The following COL4A1 variants were observed in gnomAD, a reference collection of about 807,000 sequenced individuals.
COL4A1 encodes collagen type IV alpha 1 chain.
A neutral mutation model predicts 216.6 loss-of-function variants in COL4A1; 40 were observed. The observed-to-expected ratio is 0.18, with a 90% CI of 0.14 to 0.24. The LOEUF is 0.24. COL4A1 is among the 10% of genes least tolerant of loss of function. The probability of loss-of-function intolerance (pLI) is 1.00; values close to 1 mark genes in which losing one functional copy is unlikely to be tolerated. For synonymous variants in COL4A1, 839 were observed against 810.7 expected (o/e 1.03, Z -0.59); for missense variants, 1,628 against 2,196.8 (o/e 0.74, Z 5.18).
At chr13:110,267,475 G>C (rs746891624) in intron 1 of COL4A1, among the ~76,000 whole-genome samples, 15 of 152,112 alleles carry the variant, frequency 9.9e-5, no homozygotes, top group Non-Finnish European at 2.1e-4. Flanking sequence ...AGAAGGGCTT[G>C]AGGAATCTTT....
chr13:110,178,893 AAC>A lies in COL4A1; in HGVS notation c.2458+28_2458+29del, dbSNP rs749382032. The stretch of plus-strand genomic sequence containing the variant: ...TGCTTCAGAAAAGCATGCTTTTGGG[AAC>A]AGATAATTCTAGAAGCATGTCACTC... On this transcript the variant is annotated intron_variant, in intron 31 of 51. Transcript: ENST00000375820. 18 of 1,555,480 alleles carry A rather than the reference AAC, an allele frequency of 1.2e-5. 1 individual carries two copies. The East Asian group carries it at 4.1e-4, about 35-fold the overall frequency.
At position 110,289,663 on chromosome 13, in the gene COL4A1, C is replaced by T. The variant is rs183587616; in HGVS notation, c.84+17281G>A. Among the ~76,000 whole-genome samples, 6 of 152,306 alleles carry T rather than the reference C, an allele frequency of 3.9e-5. No individual in the cohort carries two copies. The East Asian group carries it at 7.7e-4, about 20-fold the overall frequency. ...ATGTTAGACGTTACACTGCAAATTACGCTATCTGTATTTTGGGTTAAAGTC... is the reference window on the plus strand; with the variant it reads ...ATGTTAGACGTTACACTGCAAATTATGCTATCTGTATTTTGGGTTAAAGTC... On this transcript the variant is annotated intron_variant, in intron 1 of 51. Transcript: ENST00000375820.
At chr13:110,154,306 G>A (rs938370272) in intron 50 of COL4A1, among the ~76,000 whole-genome samples, 2 of 152,226 alleles carry the variant, frequency 1.3e-5, no homozygotes, top group Non-Finnish European at 2.9e-5. Context: ...AAGCTACAAT[G>A]AGTGTATCAA....
intron 2 of COL4A1, among the ~76,000 whole-genome samples, chr13:110,219,670 A>ATATATGTGTG (rs1465986096): frequency 1.0e-3 from 74 of 72,606 alleles, no homozygotes; most frequent in South Asian, 6.1e-3. Flanking sequence ...ATGTATATAT[A>ATATATGTGTG]TATATATGTG....
chr13:110,179,136 C>T (rs773622497), intron 30 of COL4A1, 100 bp from the exon 31 acceptor site: 110 of 1,537,284 alleles, frequency 7.2e-5, no homozygotes, highest in Admixed American at 1.3e-4. Context: ...CGGAAAGCCA[C>T]GAGCTCTAGG....
chr13:110,152,463 G>A lies in COL4A1; in HGVS notation c.4799C>T (p.Ser1600Phe), dbSNP rs765084929. 6.2e-7 allele frequency: 1 copy of A among 1,613,958 alleles called. No individual in the cohort carries two copies. Among genetic ancestry groups the A allele is most frequent in the East Asian group, 2.2e-5 (1 of 44,884 alleles). ...GAEGSGQALASPGSCLEEFRS... is the reference protein window; with the variant it reads ...GAEGSGQALAFPGSCLEEFRS... ...AAACTCCTCCAGGCAGGAGCCGGGG[G>A]ACGCCAGGGCTTGGCCAGAGCCTTC... The change falls in exon 51 of 52, where the codon TCC becomes TTC. Residue 1600 changes from serine (S) to phenylalanine (F), a missense_variant. Physicochemically the swap from Ser to Phe is radical, Grantham distance 155. Transcript: ENST00000375820.
At chr13:110,174,251 TC>T (rs1389613721) in intron 39 of COL4A1, among the ~76,000 whole-genome samples, 194 bp downstream of exon 39, 3 of 152,134 alleles carry the variant, frequency 2.0e-5, no homozygotes, top group Non-Finnish European at 4.4e-5. Flanking sequence ...GAGATTTAGG[TC>T]CTAGATCCTG....
chr13:110,245,350 T>C (rs1399078519), intron 1 of COL4A1, among the ~76,000 whole-genome samples: 11 of 152,216 alleles, frequency 7.2e-5, no homozygotes, highest in Non-Finnish European at 1.6e-4. Context: ...CTCTGTTCTT[T>C]AAACTCTGCA....
intron 2 of COL4A1, among the ~76,000 whole-genome samples, chr13:110,215,992 C>T (rs527843265): frequency 2.0e-5 from 3 of 152,208 alleles, no homozygotes; most frequent in Admixed American, 6.5e-5. Flanking sequence ...AGTCTAGACA[C>T]AGTATGTGGA....
intron 2 of COL4A1, among the ~76,000 whole-genome samples, chr13:110,239,907 A>C (rs1045691514): frequency 6.6e-6 from 1 of 152,236 alleles, no homozygotes; most frequent in Non-Finnish European, 1.5e-5. Flanking sequence ...CAGGACTTCC[A>C]AGACAATAAG....
At chr13:110,183,344 C>G (rs771187401) in intron 26 of COL4A1, 68 bp from the exon 27 acceptor site, 7 of 1,473,152 alleles carry the variant, frequency 4.8e-6, no homozygotes, top group Non-Finnish European at 5.6e-6. Flanking sequence ...AGGGAGGACA[C>G]GCAGTGGGTG....
chr13:110,183,326 C>T lies in COL4A1; in HGVS notation c.1898-50G>A, dbSNP rs143366073. ...AAACGATGAAGGAATGAGGACCACA[C>T]GGAACACAGGGAGGACACGCAGTGG... On this transcript the variant is annotated intron_variant, in intron 26 of 51. Coordinates refer to ENST00000375820, the MANE Select transcript of COL4A1 (RefSeq NM_001845.6). 2.9e-4 allele frequency: 450 copies of T among 1,557,806 alleles called. 3 individuals carry two copies. In the East Asian group the frequency reaches 5.0e-3, roughly 17 times the overall value.
intron 29 of COL4A1, 99 bp from the exon 30 acceptor site, chr13:110,179,520 G>A: frequency 6.5e-7 from 1 of 1,528,626 alleles, no homozygotes; most frequent in Non-Finnish European, 9.0e-7. Flanking sequence ...TACTGCCAAT[G>A]CATTTAGTAA....
chr13:110,222,727 C>G (rs578208946), intron 2 of COL4A1, among the ~76,000 whole-genome samples: 1 of 119,032 alleles, frequency 8.4e-6, no homozygotes, highest in East Asian at 2.5e-4. Context: ...GAGCCGAGAT[C>G]GTGCCACTGC....
At position 110,211,923 on chromosome 13, in the gene COL4A1, CT is replaced by C; in HGVS notation, c.388-2del. ...GAGGCCCGAGCGGCCCTCTCTCCCC[CT>C]GGGGAGACAGCAGAGCATCATTCAT... On this transcript the variant is annotated splice_acceptor_variant, in intron 6 of 51. Coordinates refer to ENST00000375820, the MANE Select transcript of COL4A1 (RefSeq NM_001845.6). LOFTEE classifies it high-confidence loss of function. The surrounding 1 kb of genome is among the most constrained non-coding windows in gnomAD (Gnocchi z 4.3). The C allele has an allele frequency of 6.2e-7, 1 of 1,613,858 alleles. No individual in the cohort carries two copies. The highest frequency in any genetic ancestry group is 8.5e-7 in the Non-Finnish European group (1 of 1,179,734).
intron 2 of COL4A1, among the ~76,000 whole-genome samples, chr13:110,231,748 A>G (rs190247122): frequency 6.6e-6 from 1 of 152,324 alleles, no homozygotes; most frequent in Non-Finnish European, 1.5e-5. Flanking sequence ...TGGCTCTACT[A>G]TAGACAGATG....
intron 47 of COL4A1, 90 bp from the exon 48 acceptor site, chr13:110,162,532 AT>A: frequency 9.9e-7 from 1 of 1,011,778 alleles, no homozygotes; most frequent in Non-Finnish European, 1.5e-6. Context: ...AGTTTTTAAT[AT>A]TTTATATTTC....
intron 2 of COL4A1, among the ~76,000 whole-genome samples, chr13:110,220,767 G>T (rs1389678484): frequency 6.6e-6 from 1 of 152,182 alleles, no homozygotes; most frequent in African/African-American, 2.4e-5. Context: ...GAATGGGAGA[G>T]AACTCAGTGC....
At chr13:110,286,046 G>A (rs1883833235) in intron 1 of COL4A1, among the ~76,000 whole-genome samples, 1 of 152,172 alleles carries the variant, frequency 6.6e-6, no homozygotes, top group Non-Finnish European at 1.5e-5. Flanking sequence ...TGCAACATCG[G>A]CTCCCTGATA....
Sources: gnomAD v4.1 joint callset for allele counts (sites outside exome capture counted in the v4.1 genomes callset) on GRCh38, gnomAD v4.1.1 for gene constraint, Gnocchi (gnomAD v3.1) non-coding constraint, MANE v1.5 for transcripts, NCBI Gene and HGNC (gene_info 2026-07-23, HGNC 2026-07-21) for gene names.